The following LRP1B variants were observed in gnomAD, a reference collection of about 807,000 sequenced individuals.
The protein encoded by LRP1B is LDL receptor related protein 1B.
A neutral mutation model predicts 556.6 loss-of-function variants in LRP1B; 217 were observed. The ratio of observed to expected loss-of-function variants is 0.39; its 90% CI spans 0.35 to 0.44. LRP1B has a LOEUF of 0.44. Among genes scored for constraint, LRP1B ranks in the 20% least tolerant of loss-of-function variants. LRP1B has a pLI of 1.00. For missense variants in LRP1B, 5,053 were observed against 5,620.8 expected, an observed-to-expected ratio of 0.90 and a Z score of 3.23; for synonymous variants, 2,047 against 1,865.8, an observed-to-expected ratio of 1.10 and a Z score of -2.50.
At chr2:140,699,009 C>A (rs1438119313) in intron 41 of LRP1B, among the ~76,000 whole-genome samples, 2 of 152,008 alleles carry the variant, frequency 1.3e-5, no homozygotes, top group African/African-American at 4.8e-5. Context: ...GTGGTGGATA[C>A]AAGACTTCTA....
chr2:141,467,844 G>GT (rs1559087217), intron 3 of LRP1B, among the ~76,000 whole-genome samples: 1 of 137,760 alleles, frequency 7.3e-6, no homozygotes, highest in Non-Finnish European at 1.6e-5. Context: ...CGGACCGGGG[G>GT]GGGGGGAATT....
At chr2:141,205,530 T>C (rs968378150) in intron 6 of LRP1B, among the ~76,000 whole-genome samples, 3 of 152,204 alleles carry the variant, frequency 2.0e-5, no homozygotes, top group African/African-American at 7.2e-5. Flanking sequence ...AATAAAATTT[T>C]TTTCACAAAT....
At chr2:140,274,215 A>T (rs1479905542) in intron 85 of LRP1B, among the ~76,000 whole-genome samples, 1 of 152,030 alleles carries the variant, frequency 6.6e-6, no homozygotes, top group Admixed American at 6.6e-5. Context: ...ATGGATTTTC[A>T]TAATTTCTAG....
intron 2 of LRP1B, among the ~76,000 whole-genome samples, chr2:141,574,220 G>A (rs1686646776): frequency 6.6e-6 from 1 of 152,080 alleles, no homozygotes; most frequent in African/African-American, 2.4e-5. Context: ...ACCGAATCCA[G>A]GAGCACATCA....
At chr2:141,351,669 T>C (rs1307909475) in intron 3 of LRP1B, among the ~76,000 whole-genome samples, 1 of 151,994 alleles carries the variant, frequency 6.6e-6, no homozygotes, top group Non-Finnish European at 1.5e-5. Flanking sequence ...CTTTTTAGCA[T>C]GGAGCTCCAA....
At chr2:140,726,802 CTA>C (rs1687610113) in intron 35 of LRP1B, among the ~76,000 whole-genome samples, 3 of 146,930 alleles carry the variant, frequency 2.0e-5, no homozygotes. Flanking sequence ...CATTTTATCT[CTA>C]GTTTTATCTT....
rs72990634 is a variant in LRP1B at position 140,440,275 on chromosome 2, G to A, written c.10414+2229C>T. Among the ~76,000 whole-genome samples, 287 of 152,248 alleles carry A rather than the reference G, an allele frequency of 1.9e-3. 2 individuals carry two copies. Among genetic ancestry groups the A allele is most frequent in the African/African-American group, 6.4e-3 (264 of 41,550 alleles). ...TGGATTCTAAATAGAGATCCTGCAA[G>A]AGGGAATAGGTTAGACACTCATGCC... On this transcript the variant is annotated intron_variant, in intron 66 of 90. Coordinates refer to ENST00000389484, the MANE Select transcript of LRP1B (RefSeq NM_018557.3).
At chr2:142,045,597 A>G (rs1211414961) in intron 1 of LRP1B, among the ~76,000 whole-genome samples, 3 of 151,914 alleles carry the variant, frequency 2.0e-5, no homozygotes, top group Middle Eastern at 3.2e-3. Flanking sequence ...ACAATTTTAC[A>G]TATTACTTAT....
At chr2:140,235,300 A>C (rs779098066) in intron 89 of LRP1B, among the ~76,000 whole-genome samples, 2 of 151,278 alleles carry the variant, frequency 1.3e-5, no homozygotes, top group African/African-American at 2.4e-5. Context: ...ATTATAAGAT[A>C]CCATTGAACT....
intron 2 of LRP1B, among the ~76,000 whole-genome samples, chr2:141,731,919 A>G (rs1693288775): frequency 6.6e-6 from 1 of 152,052 alleles, no homozygotes; most frequent in South Asian, 2.1e-4. Context: ...AAGGTTGTCT[A>G]TTTCCCTTTT....
chr2:140,587,044 A>G (rs1032357991), intron 43 of LRP1B, among the ~76,000 whole-genome samples: 1 of 152,176 alleles, frequency 6.6e-6, no homozygotes, highest in African/African-American at 2.4e-5. Flanking sequence ...AAATTTTAGA[A>G]CTGAACGTAA....
chr2:140,641,499 G>A (rs932251033), intron 41 of LRP1B, among the ~76,000 whole-genome samples: 9 of 152,178 alleles, frequency 5.9e-5, no homozygotes, highest in Admixed American at 4.6e-4. Context: ...TTACCACCTT[G>A]ATAATATCAC....
At chr2:141,013,074 G>T (rs1697801694) in intron 14 of LRP1B, among the ~76,000 whole-genome samples, 1 of 151,768 alleles carries the variant, frequency 6.6e-6, no homozygotes, top group East Asian at 1.9e-4. Flanking sequence ...TTACTTTTGT[G>T]TCATCTAAAA....
At chr2:142,068,477 C>T (rs934385651) in intron 1 of LRP1B, among the ~76,000 whole-genome samples, 1 of 151,396 alleles carries the variant, frequency 6.6e-6, no homozygotes, top group Non-Finnish European at 1.5e-5. Flanking sequence ...GCCAGGATTC[C>T]ATAAATTTCC....
At chr2:141,309,273 A>G (rs2105445573) in intron 3 of LRP1B, among the ~76,000 whole-genome samples, 1 of 152,388 alleles carries the variant, frequency 6.6e-6, no homozygotes, top group African/African-American at 2.4e-5. Flanking sequence ...AAAGACATCA[A>G]TAACTTGTCT....
At chr2:141,978,410 A>T (rs1701944050) in intron 1 of LRP1B, among the ~76,000 whole-genome samples, 6 of 152,100 alleles carry the variant, frequency 3.9e-5, no homozygotes, top group Admixed American at 3.9e-4. Context: ...CATTTTTCTC[A>T]AAGTACCAAA....
intron 2 of LRP1B, among the ~76,000 whole-genome samples, chr2:141,642,143 A>G (rs1410989625): frequency 1.3e-5 from 2 of 152,194 alleles, no homozygotes; most frequent in Non-Finnish European, 2.9e-5. Flanking sequence ...ATTAGAGTTT[A>G]TGCTATGACC....
chr2:140,951,865 T>C lies in LRP1B; in HGVS notation c.2963A>G (p.Asp988Gly). The change falls in exon 19 of 91, where the codon GAC (aspartate) becomes GGC (glycine). Residue 988 changes from aspartate (D) to glycine (G), a missense_variant. By Grantham distance (94) the Asp-to-Gly change is moderately conservative. Around this residue, in one of 5 missense-constraint regions of LRP1B, gnomAD observed 3,619 missense variants for 3,931.9 expected, o/e 0.92. Transcript: ENST00000389484. Reference sequence around the variant, plus strand: ...AGTGAGCATTTGGTACTTGCCAGAGTCGCAGTGCCATTTGCTGCTAATGCA... The same window carrying C: ...AGTGAGCATTTGGTACTTGCCAGAGCCGCAGTGCCATTTGCTGCTAATGCA... The part of the protein sequence containing the change: ...GRCISSKWHC[D>G]SDDDCGDGSD... 1 of 1,612,688 alleles carries C rather than the reference T, an allele frequency of 6.2e-7. No individual in the cohort carries two copies.
chr2:140,378,880 A>T (rs1463632279), intron 67 of LRP1B, among the ~76,000 whole-genome samples: 1 of 152,312 alleles, frequency 6.6e-6, no homozygotes, highest in Non-Finnish European at 1.5e-5. Flanking sequence ...TGTTTATGCC[A>T]TTGTTTATTG....
Sources: gnomAD v4.1 joint callset for allele counts (sites outside exome capture counted in the v4.1 genomes callset) on GRCh38, gnomAD v4.1.1 for gene constraint, gnomAD v4.1.1 regional missense constraint, MANE v1.5 for transcripts, NCBI Gene and HGNC (gene_info 2026-07-23, HGNC 2026-07-21) for gene names.